The following TANC1 variants were observed in gnomAD, a reference collection of about 807,000 sequenced individuals.
TANC1 encodes protein TANC1.
A neutral mutation model predicts 149.7 loss-of-function variants in TANC1; 77 were observed. That is an observed-to-expected ratio of 0.51 (90% CI 0.43 to 0.62). The LOEUF is 0.62. TANC1 is among the 20% of genes least tolerant of loss of function. The pLI is 0.00. For missense variants in TANC1, 1,985 were observed against 2,321.8 expected (o/e 0.85, Z 2.98); for synonymous variants, 854 against 925.0 (o/e 0.92, Z 1.39).
rs192991065 is a variant in TANC1, at chr2:159,109,618, A to G, written c.259+11784A>G. 2.0e-5 allele frequency among the ~76,000 whole-genome samples: 3 copies of G among 152,334 alleles called. No homozygotes were observed. In the East Asian group the frequency reaches 5.8e-4, roughly 29 times the overall value. On this transcript the variant is annotated intron_variant, in intron 4 of 26. Coordinates refer to ENST00000263635, the MANE Select transcript of TANC1 (RefSeq NM_033394.3). ...AAAATATTACATGAGAAATTCTTGAAATAATTGATAAGTCATAAATTGCAT... is the reference window on the plus strand; with the variant it reads ...AAAATATTACATGAGAAATTCTTGAGATAATTGATAAGTCATAAATTGCAT...
chr2:159,015,780 A>C (rs1295780829), intron 2 of TANC1, among the ~76,000 whole-genome samples: 3 of 152,208 alleles, frequency 2.0e-5, no homozygotes, highest in African/African-American at 7.2e-5. Context: ...CTCTTTGCTA[A>C]AACATAACAG....
chr2:159,123,061 T>C (rs2049021317), intron 4 of TANC1, among the ~76,000 whole-genome samples: 1 of 152,140 alleles, frequency 6.6e-6, no homozygotes, highest in African/African-American at 2.4e-5. Flanking sequence ...TTACAGGTAT[T>C]TCTCTAGAGA....
rs574297223 is a variant in TANC1 at position 159,181,789 on chromosome 2, G to A, written c.2510+2626G>A. On this transcript the variant is annotated intron_variant, in intron 14 of 26. Coordinates refer to ENST00000263635, the MANE Select transcript of TANC1 (RefSeq NM_033394.3). ...ATGAGTGTCTTCTCACTGAGTGCTG[G>A]TAGCTATTAAATCAGATCTTAAGAC... Among the ~76,000 whole-genome samples, 19 of 152,208 alleles carry A rather than the reference G, an allele frequency of 1.2e-4. No homozygotes were observed. In the East Asian group the frequency reaches 3.5e-3, roughly 28 times the overall value.
intron 2 of TANC1, among the ~76,000 whole-genome samples, chr2:159,033,047 G>A (rs138597996): frequency 2.0e-4 from 31 of 152,258 alleles, no homozygotes; most frequent in African/African-American, 7.0e-4. Flanking sequence ...TGGCCGGTCC[G>A]TCAGCCACTG....
intron 2 of TANC1, among the ~76,000 whole-genome samples, chr2:159,024,489 G>A (rs2039090956): frequency 6.6e-6 from 1 of 152,180 alleles, no homozygotes; most frequent in African/African-American, 2.4e-5. Flanking sequence ...AGTGGCTCAT[G>A]CCTATAATCC....
chr2:159,130,157 T>G (rs765075532), intron 4 of TANC1, among the ~76,000 whole-genome samples: 2 of 152,162 alleles, frequency 1.3e-5, no homozygotes, highest in Non-Finnish European at 2.9e-5. Flanking sequence ...TGTTGTTTAT[T>G]TCATGTTTTT....
At chr2:159,205,403 C>T (rs2058532105) in intron 19 of TANC1, among the ~76,000 whole-genome samples, 1 of 152,188 alleles carries the variant, frequency 6.6e-6, no homozygotes, top group African/African-American at 2.4e-5. Flanking sequence ...CTGGATTGAG[C>T]CTTGCAGTCA....
intron 2 of TANC1, among the ~76,000 whole-genome samples, chr2:159,055,159 T>C (rs1439676084): frequency 6.6e-6 from 1 of 152,176 alleles, no homozygotes; most frequent in Non-Finnish European, 1.5e-5. Flanking sequence ...ATAAGGAGGA[T>C]TGGGACTTGG....
intron 2 of TANC1, among the ~76,000 whole-genome samples, chr2:159,054,501 C>T (rs1393228087): frequency 1.3e-5 from 2 of 152,044 alleles, no homozygotes; most frequent in Non-Finnish European, 2.9e-5. Flanking sequence ...AGTGGAGGAG[C>T]GTTTTTGATG....
At position 159,163,374 on chromosome 2, in the gene TANC1, G is replaced by A. The variant is rs771727985; in HGVS notation, c.774G>A (p.Lys258=). ...GAAACCTAAGATTAGGGGTTCAGAAGGGAGTGCTTCATGACCGCAGGGCAG... is the reference window on the plus strand; with the variant it reads ...GAAACCTAAGATTAGGGGTTCAGAAAGGAGTGCTTCATGACCGCAGGGCAG... ...KDGNLRLGVQ[K]GVLHDRRADN... is the part of the protein sequence containing the mutation. The change falls in exon 8 of 27, where the codon AAG becomes AAA. Residue 258 remains lysine (K), a synonymous_variant. Coordinates refer to ENST00000263635, the MANE Select transcript of TANC1 (RefSeq NM_033394.3). 6 of 1,614,218 alleles carry A rather than the reference G, an allele frequency of 3.7e-6. No individual in the cohort carries two copies. Among genetic ancestry groups the A allele is most frequent in the South Asian group, 3.3e-5 (3 of 91,086 alleles).
At chr2:159,170,312 A>G (rs976440164) in intron 9 of TANC1, among the ~76,000 whole-genome samples, 1 of 152,004 alleles carries the variant, frequency 6.6e-6, no homozygotes. Context: ...TCAATAGGAC[A>G]CTCTAGTTTC....
At chr2:158,969,523 G>A (rs1441363418) in intron 1 of TANC1, among the ~76,000 whole-genome samples, 1 of 152,226 alleles carries the variant, frequency 6.6e-6, no homozygotes, top group Non-Finnish European at 1.5e-5. Flanking sequence ...ATGCAGAGTG[G>A]TCATTTTCGG....
At position 159,219,340 on chromosome 2, in the gene TANC1, G is replaced by T. The variant is rs375860483; in HGVS notation, c.3481G>T (p.Val1161Leu). The stretch of plus-strand genomic sequence containing the variant: ...TGCTTGTGAAGGGCACTTGAGCACC[G>T]TGGAATTCCTCCTTTCAAAAGGTAG... Reference protein sequence around the residue: ...VAACEGHLSTVEFLLSKGAAL... With the variant: ...VAACEGHLSTLEFLLSKGAAL... The change falls in exon 21 of 27, where the codon GTG becomes TTG. Residue 1161 changes from valine to leucine, a missense_variant. By Grantham distance (32) the Val-to-Leu change is conservative. This residue lies in a region of TANC1 where 920 missense variants were observed against 994.7 expected (regional missense o/e 0.92). Coordinates refer to ENST00000263635, the MANE Select transcript of TANC1 (RefSeq NM_033394.3). 6.2e-7 allele frequency: 1 copy of T among 1,613,734 alleles called. No homozygotes were observed. Among genetic ancestry groups the T allele is most frequent in the Non-Finnish European group, 8.5e-7 (1 of 1,179,830 alleles).
At chr2:159,154,130 A>G (rs535418119) in intron 7 of TANC1, among the ~76,000 whole-genome samples, 1 of 152,168 alleles carries the variant, frequency 6.6e-6, no homozygotes. Flanking sequence ...GGACTGTTAC[A>G]AAGTGCACAC....
rs1051447820 is a variant in TANC1, at chr2:159,054,660, T to A, written c.-15-11236T>A. On this transcript the variant is annotated intron_variant, in intron 2 of 26. Coordinates refer to ENST00000263635, the MANE Select transcript of TANC1 (RefSeq NM_033394.3). ...CAGATCCAGTGCAATTTAAAAATTT[T>A]AATTTCCTTAGGTTTATAATACCAA... Among the ~76,000 whole-genome samples, 3 of 152,234 alleles carry A rather than the reference T, an allele frequency of 2.0e-5. No individual in the cohort carries two copies. The South Asian group carries it at 6.2e-4, about 32-fold the overall frequency.
intron 3 of TANC1, among the ~76,000 whole-genome samples, chr2:159,096,268 A>G (rs1391513563): frequency 2.7e-5 from 4 of 147,704 alleles, no homozygotes; most frequent in Non-Finnish European, 5.9e-5. Context: ...AAAATGTGTT[A>G]TCTGAATACA....
At chr2:159,075,080 ATGT>A (rs970019736) in intron 3 of TANC1, among the ~76,000 whole-genome samples, 51 of 152,086 alleles carry the variant, frequency 3.4e-4, no homozygotes, top group African/African-American at 1.1e-3. Context: ...TAGCACTTTA[ATGT>A]TGTTATTATA....
chr2:158,997,733 TATAAA>T (rs1014396895), intron 1 of TANC1, among the ~76,000 whole-genome samples: 4 of 152,206 alleles, frequency 2.6e-5, no homozygotes, highest in Non-Finnish European at 5.9e-5. Context: ...TAGTCCAAGA[TATAAA>T]ATAAATATAC....
chr2:158,982,636 T>A (rs1200144501), intron 1 of TANC1, among the ~76,000 whole-genome samples: 2 of 152,210 alleles, frequency 1.3e-5, no homozygotes, highest in Admixed American at 1.3e-4. Flanking sequence ...GAGACAGGGT[T>A]TTGCTCTGTT....
Sources: gnomAD v4.1 joint callset for allele counts (sites outside exome capture counted in the v4.1 genomes callset) on GRCh38, gnomAD v4.1.1 for gene constraint, gnomAD v4.1.1 regional missense constraint, MANE v1.5 for transcripts, NCBI Gene and HGNC (gene_info 2026-07-23, HGNC 2026-07-21) for gene names.